The following TCF4 variants were observed in gnomAD, a reference collection of about 807,000 sequenced individuals.
TCF4 encodes SL3-3 enhancer factor 2.
TCF4 carries 3 observed loss-of-function variants against 82.1 expected under a neutral mutation model. The ratio of observed to expected loss-of-function variants is 0.04; its 90% CI spans 0.02 to 0.09. TCF4 has a LOEUF of 0.09. Among genes scored for constraint, TCF4 ranks in the 10% least tolerant of loss-of-function variants. The pLI is 1.00. For synonymous variants in TCF4, 276 were observed against 309.6 expected (o/e 0.89, Z 1.14); for missense variants, 518 against 852.7 (o/e 0.61, Z 4.89).
chr18:55,526,655 T>C (rs2096987796), intron 3 of TCF4, among the ~76,000 whole-genome samples: 3 of 152,162 alleles, frequency 2.0e-5, no homozygotes, highest in African/African-American at 7.2e-5. Context: ...GGATTTTTAA[T>C]CCAGAATCCT....
At chr18:55,247,117 A>G (rs947667495) in intron 15 of TCF4, among the ~76,000 whole-genome samples, 6 of 152,198 alleles carry the variant, frequency 3.9e-5, no homozygotes, top group Admixed American at 2.0e-4. Flanking sequence ...CATACGGTGT[A>G]TAAGGAGGGA....
At chr18:55,366,355 T>C (rs1379001088) in intron 6 of TCF4, among the ~76,000 whole-genome samples, 1 of 152,258 alleles carries the variant, frequency 6.6e-6, no homozygotes, top group African/African-American at 2.4e-5. Context: ...TCTATTCATA[T>C]GTTTTGCTAT....
intron 2 of TCF4, among the ~76,000 whole-genome samples, chr18:55,620,944 A>C (rs78526562): frequency 0.027 from 4,149 of 151,980 alleles, 93 homozygotes; most frequent in Middle Eastern, 0.048. Context: ...TTATAATACC[A>C]CTTTTGTAGT....
intron 3 of TCF4, among the ~76,000 whole-genome samples, chr18:55,532,199 T>C (rs1265546905): frequency 6.6e-6 from 1 of 152,220 alleles, no homozygotes; most frequent in Non-Finnish European, 1.5e-5. Flanking sequence ...AGCTTGTACT[T>C]CATGAAGTGA....
At chr18:55,462,445 G>A (rs750370339) in intron 4 of TCF4, among the ~76,000 whole-genome samples, 3 of 152,044 alleles carry the variant, frequency 2.0e-5, no homozygotes, top group Non-Finnish European at 2.9e-5. Flanking sequence ...TTGAAAGTAC[G>A]CCTGGGTATA....
chr18:55,293,090 T>C (rs372628380), intron 8 of TCF4, among the ~76,000 whole-genome samples: 7 of 152,242 alleles, frequency 4.6e-5, no homozygotes, highest in South Asian at 2.1e-4. Flanking sequence ...TATTACTGAA[T>C]GGTTTACTTC....
chr18:55,450,567 A>G (rs569723535), intron 5 of TCF4, among the ~76,000 whole-genome samples: 6 of 152,336 alleles, frequency 3.9e-5, no homozygotes, highest in South Asian at 4.1e-4. Context: ...CGGATTCAAA[A>G]ACTCTTAAGA....
At chr18:55,244,392 C>T (rs746680770) in intron 15 of TCF4, among the ~76,000 whole-genome samples, 11 of 152,164 alleles carry the variant, frequency 7.2e-5, no homozygotes, top group Non-Finnish European at 1.3e-4. Flanking sequence ...GAGACTAGAG[C>T]GCCTTGGGCT....
At chr18:55,229,431 T>G (rs531190316) in intron 17 of TCF4, 2 of 319,274 alleles carry the variant, frequency 6.3e-6, no homozygotes, top group Admixed American at 4.5e-5. Context: ...TTCACCAACT[T>G]ACGCCTAGCA....
chr18:55,363,267 A>T (rs1303696053), intron 6 of TCF4, among the ~76,000 whole-genome samples: 1 of 152,224 alleles, frequency 6.6e-6, no homozygotes, highest in Non-Finnish European at 1.5e-5. Flanking sequence ...ATTGAAAAAA[A>T]AATCAATGAG....
rs775516036 is a variant in TCF4, at chr18:55,468,352, C to G, written c.146-4215G>C. Reference sequence around the variant, plus strand: ...AGAGGGAAACAAGATTGACAATAACCATCAGATAAAAACACACAAAGTGTC... The same window carrying G: ...AGAGGGAAACAAGATTGACAATAACGATCAGATAAAAACACACAAAGTGTC... On this transcript the variant is annotated intron_variant, in intron 3 of 19. Coordinates refer to ENST00000354452, the MANE Select transcript of TCF4 (RefSeq NM_001083962.2). Among the ~76,000 whole-genome samples, 12 of 152,234 alleles carry G rather than the reference C, an allele frequency of 7.9e-5. No individual in the cohort carries two copies. The Middle Eastern group carries it at 0.01, about 129-fold the overall frequency.
intron 6 of TCF4, among the ~76,000 whole-genome samples, chr18:55,358,248 G>A (rs1175255935): frequency 1.3e-5 from 2 of 152,200 alleles, no homozygotes; most frequent in Non-Finnish European, 2.9e-5. Flanking sequence ...ATCAAATCGA[G>A]GTCTTAAATA....
chr18:55,383,805 C>A (rs2037299803), intron 6 of TCF4: 2 of 152,246 alleles, frequency 1.3e-5, no homozygotes, highest in Admixed American at 6.5e-5. Flanking sequence ...CTACACACAT[C>A]CAAAGCACTA....
chr18:55,553,118 G>T (rs2097274414), intron 3 of TCF4: 1 of 152,352 alleles, frequency 6.6e-6, no homozygotes, highest in South Asian at 2.1e-4. Flanking sequence ...ATTTCTATAA[G>T]AGTGACTTAG....
intron 8 of TCF4, among the ~76,000 whole-genome samples, chr18:55,348,164 T>C (rs2081587323): frequency 1.3e-5 from 2 of 152,182 alleles, no homozygotes; most frequent in Admixed American, 6.5e-5. Context: ...TAATAAGCAA[T>C]TGATATTTAC....
chr18:55,381,529 T>C (rs973328955), intron 6 of TCF4, among the ~76,000 whole-genome samples: 1 of 152,234 alleles, frequency 6.6e-6, no homozygotes, highest in East Asian at 1.9e-4. Flanking sequence ...GCATAAAGTG[T>C]GGCATATATT....
At position 55,322,853 on chromosome 18, in the gene TCF4, T is replaced by C. The variant is rs543337540; in HGVS notation, c.549+27506A>G. 9.8e-5 allele frequency among the ~76,000 whole-genome samples: 15 copies of C among 152,330 alleles called. No homozygotes were observed. The South Asian group carries it at 2.9e-3, about 29-fold the overall frequency. On this transcript the variant is annotated intron_variant, in intron 8 of 19. Transcript: ENST00000354452. ...CCGACGAATATCTTACAGCTGTCAG[T>C]TTCCCCAAAGGCACCCCTGAGACCA...
In TCF4 at chr18:55,529,900, G is replaced by A. The variant is rs182528242; in HGVS notation, c.145+55380C>T. 3.5e-3 allele frequency among the ~76,000 whole-genome samples: 527 copies of A among 152,126 alleles called. 1 individual carries two copies. The highest frequency in any genetic ancestry group is 0.017 in the Middle Eastern group (5 of 294). Reference sequence around the variant, plus strand: ...GTGATTCAGTTAACACTCCTTTCATGGCACATGTCCTAGAACTCAGACTTA... The same window carrying A: ...GTGATTCAGTTAACACTCCTTTCATAGCACATGTCCTAGAACTCAGACTTA... On this transcript the variant is annotated intron_variant, in intron 3 of 19. Transcript: ENST00000354452.
intron 3 of TCF4, among the ~76,000 whole-genome samples, chr18:55,495,380 T>G (rs1461819945): frequency 2.0e-5 from 3 of 152,000 alleles, no homozygotes; most frequent in Non-Finnish European, 2.9e-5. Context: ...CTACTCCAAC[T>G]GTAGAATAAT....
Sources: gnomAD v4.1 joint callset for allele counts (sites outside exome capture counted in the v4.1 genomes callset) on GRCh38, gnomAD v4.1.1 for gene constraint, MANE v1.5 for transcripts, NCBI Gene and HGNC (gene_info 2026-07-23, HGNC 2026-07-21) for gene names.